Variants in CCDC171 observed in about 807,000 individuals in gnomAD.
The protein encoded by CCDC171 is coiled-coil domain-containing protein 171.
Under a neutral mutation model 168.2 loss-of-function variants are expected in CCDC171, and 177 were observed. That is an observed-to-expected ratio of 1.05 (90% CI 0.93 to 1.19). The LOEUF (loss-of-function observed/expected upper bound fraction) is 1.19. Ranked by LOEUF, CCDC171 falls within the 50% of genes most tolerant of loss-of-function variation. The pLI is 0.00. For missense variants in CCDC171, 1,991 were observed against 1,539.0 expected (o/e 1.29, Z -4.91); for synonymous variants, 687 against 540.8 (o/e 1.27, Z -3.75).
At chr9:16,056,275 C>A (rs79110111) in intron 1 of CCDC171, among the ~76,000 whole-genome samples, 5,053 of 152,222 alleles carry the variant, frequency 0.033, 274 homozygotes, top group African/African-American at 0.11. Context: ...CCCAACGGAA[C>A]TTTCTACAAC....
the CCDC171 span, among the ~76,000 whole-genome samples, chr9:16,100,050 T>C: frequency 4.0e-5 from 6 of 150,446 alleles, no homozygotes; most frequent in Non-Finnish European, 7.4e-5. Context: ...AAAACATCAG[T>C]GAATGCATGT....
At chr9:15,911,544 A>T (rs187680750) in intron 24 of CCDC171, among the ~76,000 whole-genome samples, 72 of 152,238 alleles carry the variant, frequency 4.7e-4, no homozygotes, top group Non-Finnish European at 3.4e-4. Context: ...GAAGCTCTTT[A>T]GTTTAATTAG....
chr9:15,920,851 C>T (rs1825222365), intron 25 of CCDC171, among the ~76,000 whole-genome samples: 1 of 151,502 alleles, frequency 6.6e-6, no homozygotes, highest in Non-Finnish European at 1.5e-5. Context: ...TAATACATGC[C>T]TAGCTAAAGA....
intron 21 of CCDC171, among the ~76,000 whole-genome samples, chr9:15,808,738 G>T (rs1000620427): frequency 1.3e-5 from 2 of 152,172 alleles, no homozygotes; most frequent in Non-Finnish European, 2.9e-5. Flanking sequence ...GGAGAGGTCA[G>T]ATTTTTTGAT....
chr9:15,582,621 T>C (rs2041220997), intron 4 of CCDC171, among the ~76,000 whole-genome samples: 1 of 152,216 alleles, frequency 6.6e-6, no homozygotes, highest in African/African-American at 2.4e-5. Flanking sequence ...GATGAGTTCA[T>C]GTCCTTTGCA....
At chr9:16,038,636 G>A (rs1319544278), upstream of CCDC171, among the ~76,000 whole-genome samples, 1 of 151,798 alleles carries the variant, frequency 6.6e-6, no homozygotes, top group Non-Finnish European at 1.5e-5. Flanking sequence ...CCCACTAAAA[G>A]TTTGGAAAAA....
intron 1 of CCDC171, among the ~76,000 whole-genome samples, chr9:15,557,748 G>A (rs1424938360): frequency 6.6e-6 from 1 of 152,018 alleles, no homozygotes; most frequent in Non-Finnish European, 1.5e-5. Context: ...CTGCCTGATT[G>A]CCCTGGCCAG....
At chr9:15,679,430 T>C (rs1172797148) in intron 10 of CCDC171, among the ~76,000 whole-genome samples, 1 of 152,220 alleles carries the variant, frequency 6.6e-6, no homozygotes, top group African/African-American at 2.4e-5. Context: ...CTTCTTGTTG[T>C]ATAATCTCAG....
At chr9:16,073,697 G>A in the CCDC171 span, among the ~76,000 whole-genome samples, 2 of 152,154 alleles carry the variant, frequency 1.3e-5, no homozygotes, top group African/African-American at 4.8e-5. Flanking sequence ...ACCAAATCGC[G>A]ATCTGGCAGC....
At position 15,698,071 on chromosome 9, in the gene CCDC171, A is replaced by G. The variant is rs77908747; in HGVS notation, c.1318+2734A>G. Among the ~76,000 whole-genome samples, 6 of 151,844 alleles carry G rather than the reference A, an allele frequency of 4.0e-5. 1 individual carries two copies. The highest frequency in any genetic ancestry group is 2.1e-4 in the South Asian group (1 of 4,820). On this transcript the variant is annotated intron_variant, in intron 11 of 25. Coordinates refer to ENST00000380701, the MANE Select transcript of CCDC171 (RefSeq NM_173550.4). ...GTATTGTTGTTAACTGTAGAGTTCA[A>G]TACTGTGCTATTGAACTCTAGAACT...
At chr9:16,014,948 C>T (rs555547542) in intron 3 of CCDC171, among the ~76,000 whole-genome samples, 23 of 152,014 alleles carry the variant, frequency 1.5e-4, no homozygotes, top group Non-Finnish European at 2.2e-4. Context: ...CTCCATTAGC[C>T]GCTAACAAGA....
At chr9:15,905,061 A>G (rs10756716) in intron 24 of CCDC171, among the ~76,000 whole-genome samples, 118,082 of 143,720 alleles carry the variant, frequency 0.82, 48,197 homozygotes, top group East Asian at 0.95. Flanking sequence ...AGACTCCCAC[A>G]CAATAATAAT....
At chr9:15,739,885 G>A (rs757542392) in intron 16 of CCDC171, among the ~76,000 whole-genome samples, 19 of 151,880 alleles carry the variant, frequency 1.3e-4, no homozygotes, top group Non-Finnish European at 2.2e-4. Flanking sequence ...CTACAGGAGC[G>A]TGCCACCATG....
chr9:15,794,345 A>G (rs1344224251), intron 21 of CCDC171, among the ~76,000 whole-genome samples: 2 of 152,040 alleles, frequency 1.3e-5, no homozygotes, highest in East Asian at 1.9e-4. Context: ...GGCACCTGCA[A>G]TCCCAGCTAG....
At chr9:15,915,785 C>G (rs1824415363) in intron 24 of CCDC171, among the ~76,000 whole-genome samples, 1 of 152,148 alleles carries the variant, frequency 6.6e-6, no homozygotes, top group African/African-American at 2.4e-5. Context: ...AGGCCTCTCC[C>G]TTCTCTGCCT....
chr9:15,888,574 C>G (rs1033245680), intron 24 of CCDC171, among the ~76,000 whole-genome samples: 9 of 152,186 alleles, frequency 5.9e-5, no homozygotes, highest in Admixed American at 5.9e-4. Context: ...CTGAAACTAG[C>G]AGAATATCAT....
chr9:15,931,733 C>A (rs1826541498), intron 25 of CCDC171, among the ~76,000 whole-genome samples: 1 of 151,474 alleles, frequency 6.6e-6, no homozygotes, highest in Non-Finnish European at 1.5e-5. Context: ...ATGTTTTCTT[C>A]TAGTGTTATC....
chr9:16,057,208 A>T (rs1008942007), intron 1 of CCDC171, among the ~76,000 whole-genome samples: 3 of 152,230 alleles, frequency 2.0e-5, no homozygotes, highest in African/African-American at 7.2e-5. Flanking sequence ...AAGCTTATTA[A>T]CCCCATTTTA....
At chr9:15,650,151 A>G (rs1487436656) in intron 7 of CCDC171, among the ~76,000 whole-genome samples, 4 of 152,208 alleles carry the variant, frequency 2.6e-5, no homozygotes, top group African/African-American at 4.8e-5. Flanking sequence ...TTGCAAGGAC[A>G]AAAAACCAAA....
Sources: allele counts gnomAD v4.1 joint callset (sites outside exome capture counted in the v4.1 genomes callset), GRCh38; gene constraint gnomAD v4.1.1; transcripts MANE v1.5; gene names NCBI Gene and HGNC (gene_info 2026-07-23, HGNC 2026-07-21).